Variants in CFAP410 observed in about 807,000 individuals in gnomAD.
The protein encoded by CFAP410 is cilia and flagella associated protein 410.
In CFAP410, 27 loss-of-function variants were observed where a neutral mutation model predicts 25.7. The observed-to-expected ratio is 1.05, with a 90% confidence interval of 0.77 to 1.45. The LOEUF (loss-of-function observed/expected upper bound fraction) is 1.45. Among genes scored for constraint, CFAP410 ranks in the 40% most tolerant of loss-of-function variants. The pLI is 0.00. For missense variants in CFAP410, 428 were observed against 354.1 expected (o/e 1.21, Z -1.67); for synonymous variants, 178 against 158.4 (o/e 1.12, Z -0.93).
chr21:44,339,321 G>T lies in CFAP410; in HGVS notation c.-127C>A. 3.9e-6 allele frequency: 2 copies of T among 506,764 alleles called. No homozygotes were observed. Among genetic ancestry groups the T allele is most frequent in the African/African-American group, 2.0e-5 (1 of 49,534 alleles). 31.4% of individuals were successfully genotyped at this position (506,764 alleles called of 1,614,324 possible). A position where few individuals can be genotyped will look rare whatever the true frequency, so the allele number is the denominator to read the frequency against. On this transcript the variant is annotated 5_prime_UTR_variant, in exon 1 of 7. Transcript: ENST00000339818. ...AGGGGCGGATCCTGAGCCGATTGGC[G>T]GCTCGGTGAGGAGAGCGGGGCGACG...
Position 44,335,971 on chromosome 21 carries a change from G to A in CFAP410, c.97-167C>T, listed in dbSNP as rs2047745562. Reference sequence around the variant, plus strand: ...CCAGGGTGAATGCCCAGGGCCTGAGGGGAGCGGCCCTGCTCAGCCAGTGTG... The same window carrying A: ...CCAGGGTGAATGCCCAGGGCCTGAGAGGAGCGGCCCTGCTCAGCCAGTGTG... On this transcript the variant is annotated intron_variant, in intron 2 of 6. Coordinates refer to ENST00000339818, the MANE Select transcript of CFAP410 (RefSeq NM_004928.3). The A allele has an allele frequency of 6.7e-5, 39 of 585,466 alleles. 1 individual carries two copies. In the East Asian group the frequency reaches 1.1e-3, roughly 17 times the overall value. The allele number at this position is 585,466 out of a possible 1,614,324, so 36.3% of individuals were successfully genotyped here.
chr21:44,337,785 ATGGCATGGC>A, intron 1 of CFAP410, 118 bp from the exon 2 acceptor site: 2 of 794,988 alleles, frequency 2.5e-6, no homozygotes, highest in Admixed American at 2.6e-5. Context: ...TAGGATTTTA[ATGGCATGGC>A]AAAAAAGGAA....
Position 44,339,204 on chromosome 21 carries a change from C to T in CFAP410, c.-10G>A. On this transcript the variant is annotated 5_prime_UTR_variant, in exon 1 of 7. Coordinates refer to ENST00000339818, the MANE Select transcript of CFAP410 (RefSeq NM_004928.3). Reference sequence around the variant, plus strand: ...TCCGCGTCAGCTTCATGGCGGCCGCCCAGGCCCGACCGGCGGGCGCCCCCG... The same window carrying T: ...TCCGCGTCAGCTTCATGGCGGCCGCTCAGGCCCGACCGGCGGGCGCCCCCG... 2 of 1,441,304 alleles carry T rather than the reference C, an allele frequency of 1.4e-6. No homozygotes were observed. The highest frequency in any genetic ancestry group is 1.8e-6 in the Non-Finnish European group (2 of 1,092,374). 89.3% of individuals were successfully genotyped at this position (1,441,304 alleles called of 1,614,324 possible).
In CFAP410 at chr21:44,333,023, G is replaced by C; in HGVS notation, c.373+10C>G. On this transcript the variant is annotated intron_variant, in intron 4 of 6. Coordinates refer to ENST00000339818, the MANE Select transcript of CFAP410 (RefSeq NM_004928.3). ...TTGGGAGGGCCGGTGACTCCGCTGC[G>C]GCCACCTACCCTGGTTGTCCAGCTT... 1 of 1,561,098 alleles carries C rather than the reference G, an allele frequency of 6.4e-7. No individual in the cohort carries two copies. Among genetic ancestry groups the C allele is most frequent in the South Asian group, 1.1e-5 (1 of 87,364 alleles).
chr21:44,332,170 C>G (rs1055613435), intron 4 of CFAP410, 156 bp from the exon 5 acceptor site: 1 of 598,468 alleles, frequency 1.7e-6, no homozygotes, highest in African/African-American at 1.9e-5. Flanking sequence ...AGAGTAGCAG[C>G]CGGTTCCTCA....
At position 44,333,467 on chromosome 21, in the gene CFAP410, C is replaced by T. The variant is rs977652768; in HGVS notation, c.144-205G>A. ...GAAGGCCAGGCCCTGAACTCAAAGGCGGACTGGGGTGGACCCCACCAGCAA... is the reference window on the plus strand; with the variant it reads ...GAAGGCCAGGCCCTGAACTCAAAGGTGGACTGGGGTGGACCCCACCAGCAA... On this transcript the variant is annotated intron_variant, in intron 3 of 6. Coordinates refer to ENST00000339818, the MANE Select transcript of CFAP410 (RefSeq NM_004928.3). The T allele has an allele frequency of 7.4e-5, 44 of 596,928 alleles. No individual in the cohort carries two copies. In the East Asian group the frequency reaches 1.1e-3, roughly 15 times the overall value. The allele number at this position is 596,928 out of a possible 1,614,324, so 37.0% of individuals were successfully genotyped here. A position where few individuals can be genotyped will look rare whatever the true frequency, so the allele number is the denominator to read the frequency against.
chr21:44,334,525 C>CTCAA (rs2047716592), intron 3 of CFAP410: 1 of 17,320 alleles, frequency 5.8e-5, no homozygotes, highest in African/African-American at 3.1e-4. Flanking sequence ...GCACCCCCCC[C>CTCAA]CCCCCCCCGC....
chr21:44,334,305 G>A (rs1159157105), intron 3 of CFAP410: 6 of 455,662 alleles, frequency 1.3e-5, no homozygotes, highest in Non-Finnish European at 2.6e-5. Flanking sequence ...TGTGGCCCCT[G>A]GGTGACTCAG....
At chr21:44,334,564 T>TCC (rs2047719238) in intron 3 of CFAP410, 1 of 109,400 alleles carries the variant, frequency 9.1e-6, no homozygotes, top group Admixed American at 1.9e-4. Flanking sequence ...CGCGCACCCC[T>TCC]GCTCAACCTC....
intron 3 of CFAP410, chr21:44,334,486 A>G (rs1488026973): frequency 7.0e-6 from 1 of 143,798 alleles, no homozygotes; most frequent in South Asian, 5.6e-5. Context: ...AGGCACGCGC[A>G]CCCCCCCTCA....
At chr21:44,332,938 G>T in intron 4 of CFAP410, 95 bp downstream of exon 4, 4 of 821,508 alleles carry the variant, frequency 4.9e-6, no homozygotes, top group Non-Finnish European at 7.8e-6. Context: ...GCCAGACCAG[G>T]TATTTGCAGA....
At position 44,329,791 on chromosome 21, in the gene CFAP410, G is replaced by A; in HGVS notation, c.*407C>T. 5.4e-6 allele frequency: 1 copy of A among 184,174 alleles called. No individual in the cohort carries two copies. Among genetic ancestry groups the A allele is most frequent in the Non-Finnish European group, 1.1e-5 (1 of 88,126 alleles). 11.4% of individuals were successfully genotyped at this position (184,174 alleles called of 1,614,324 possible). ...ATCCAAGGACCAAGGGCTGGAATCGGCAAAGCCATCCGTGAAGACCTCCTC... is the reference window on the plus strand; with the variant it reads ...ATCCAAGGACCAAGGGCTGGAATCGACAAAGCCATCCGTGAAGACCTCCTC... On this transcript the variant is annotated 3_prime_UTR_variant, in exon 7 of 7. Transcript: ENST00000339818.
At chr21:44,336,611 C>T (rs1387654448) in intron 2 of CFAP410, among the ~76,000 whole-genome samples, 6 of 152,110 alleles carry the variant, frequency 3.9e-5, no homozygotes, top group African/African-American at 4.8e-5. Flanking sequence ...TGGTCAGATG[C>T]GTCCCATGTA....
chr21:44,332,382 A>C, intron 4 of CFAP410: 1 of 197,248 alleles, frequency 5.1e-6, no homozygotes, highest in African/African-American at 2.3e-5. Flanking sequence ...ATTAATATCA[A>C]TAAAATTGTC....
chr21:44,332,558 A>T, intron 4 of CFAP410: 1 of 170,176 alleles, frequency 5.9e-6, no homozygotes. Flanking sequence ...GCGCAGCAGC[A>T]GGCACTGCGG....
intron 1 of CFAP410, chr21:44,338,335 C>T: frequency 7.8e-7 from 1 of 1,288,988 alleles, no homozygotes; most frequent in Non-Finnish European, 1.0e-6. Context: ...GGTCACTCTG[C>T]TGAGTCCCCA....
At chr21:44,330,436 G>C (rs2047623401) in intron 6 of CFAP410, 110 bp from the exon 7 acceptor site, 1 of 1,548,136 alleles carries the variant, frequency 6.5e-7, no homozygotes, top group Admixed American at 1.9e-5. Flanking sequence ...ACTGGTCCCG[G>C]GGGTGTGGGC....
At chr21:44,330,677 C>T (rs2047629363) in intron 6 of CFAP410, 146 bp downstream of exon 6, 2 of 1,550,322 alleles carry the variant, frequency 1.3e-6, no homozygotes, top group East Asian at 2.4e-5. Context: ...GCAGCTCCCC[C>T]TGGGGCACAG....
Position 44,331,914 on chromosome 21 carries a change from G to A in CFAP410, c.474C>T (p.Cys158=). 1 of 1,613,328 alleles carries A rather than the reference G, an allele frequency of 6.2e-7. No homozygotes were observed. Among genetic ancestry groups the A allele is most frequent in the Non-Finnish European group, 8.5e-7 (1 of 1,179,854 alleles). The change falls in exon 5 of 7, where the codon TGC becomes TGT. Residue 158 remains cysteine (C), a synonymous_variant. Transcript: ENST00000339818. ...EGTGHGGPKL[C]CTLSSLSSAA... ...CGGAGCTGAGGGAGCTCAGTGTGCAGCATAGCTTGGGGCCGCCGTGGCCTG... is the reference window on the plus strand; with the variant it reads ...CGGAGCTGAGGGAGCTCAGTGTGCAACATAGCTTGGGGCCGCCGTGGCCTG...
Sources: allele counts gnomAD v4.1 joint callset (sites outside exome capture counted in the v4.1 genomes callset), GRCh38; gene constraint gnomAD v4.1.1; transcripts MANE v1.5; gene names NCBI Gene and HGNC (gene_info 2026-07-23, HGNC 2026-07-21).